CA10: variants seen among roughly 807,000 people sequenced by gnomAD.
The protein encoded by CA10 is carbonic anhydrase 10 (inactive), also known as carbonic anhydrase-related protein 10.
In CA10, 14 loss-of-function variants were observed where a neutral mutation model predicts 44.2. That is an observed-to-expected ratio of 0.32 (90% confidence interval 0.21 to 0.50). CA10 has a LOEUF of 0.50. Among genes scored for constraint, CA10 ranks in the 20% least tolerant of loss-of-function variants. The pLI is 0.99. For missense variants in CA10, 350 were observed against 409.7 expected (o/e 0.85, Z 1.26); for synonymous variants, 159 against 141.6 (o/e 1.12, Z -0.87).
At chr17:51,968,854 T>C (rs1431137505) in intron 2 of CA10, among the ~76,000 whole-genome samples, 1 of 151,958 alleles carries the variant, frequency 6.6e-6, no homozygotes, top group Non-Finnish European at 1.5e-5. Context: ...ATTTACTCAG[T>C]TTAAATATTT....
At chr17:52,132,524 T>C (rs1284599915) in intron 1 of CA10, among the ~76,000 whole-genome samples, 1 of 152,248 alleles carries the variant, frequency 6.6e-6, no homozygotes, top group African/African-American at 2.4e-5. Flanking sequence ...TTAACTGCTA[T>C]ATTATTCTGA....
At chr17:52,157,526 A>ACCCCC (rs1480637933) in intron 1 of CA10, among the ~76,000 whole-genome samples, 200 bp downstream of exon 1, 25 of 111,808 alleles carry the variant, frequency 2.2e-4, no homozygotes, top group African/African-American at 5.4e-4. Flanking sequence ...ACAGATCCTA[A>ACCCCC]CCACCCCCCC....
intron 4 of CA10, among the ~76,000 whole-genome samples, chr17:51,717,161 TGA>T (rs902236758): frequency 1.3e-5 from 2 of 152,192 alleles, no homozygotes; most frequent in African/African-American, 4.8e-5. Flanking sequence ...CTGAAGTTCC[TGA>T]GAGAGAGCTC....
At chr17:51,730,823 T>C (rs1397355419) in intron 4 of CA10, among the ~76,000 whole-genome samples, 1 of 152,144 alleles carries the variant, frequency 6.6e-6, no homozygotes, top group African/African-American at 2.4e-5. Context: ...CCAGTGGGGA[T>C]ATCTCAGACT....
intron 4 of CA10, among the ~76,000 whole-genome samples, chr17:51,736,233 T>C (rs924783030): frequency 6.6e-6 from 1 of 152,142 alleles, no homozygotes; most frequent in Non-Finnish European, 1.5e-5. Flanking sequence ...AATAATTCCA[T>C]CAATTTTCAC....
chr17:52,117,319 A>G (rs929375017), intron 1 of CA10, among the ~76,000 whole-genome samples: 1 of 152,178 alleles, frequency 6.6e-6, no homozygotes, highest in Non-Finnish European at 1.5e-5. Flanking sequence ...GAAGCCCAGG[A>G]ATTAGAAGCG....
At chr17:51,839,500 CAAAAAAAAAAAAAAAAA>C (rs34200978) in intron 3 of CA10, among the ~76,000 whole-genome samples, 11 of 36,288 alleles carry the variant, frequency 3.0e-4, no homozygotes, top group African/African-American at 1.3e-3. Context: ...GACTCCTTCT[CAAAAAAAAAAAAAAAAA>C]AAAAAAAAAA....
intron 1 of CA10, among the ~76,000 whole-genome samples, chr17:52,089,015 T>C (rs934066923): frequency 6.6e-6 from 1 of 152,216 alleles, no homozygotes; most frequent in Admixed American, 6.5e-5. Flanking sequence ...ATTCCATCAT[T>C]AGGCTAATGC....
rs1007501725 is a variant in CA10, at chr17:51,697,739, CTGAA to C, written c.466-44007_466-44004del. Among the ~76,000 whole-genome samples the C allele has an allele frequency of 7.2e-4, 110 of 152,340 alleles. 1 individual carries two copies. Among genetic ancestry groups the C allele is most frequent in the African/African-American group, 2.4e-3 (99 of 41,568 alleles). ...ATAGAAGGCACCCCATAAATATTCA[CTGAA>C]TGAATAAACAAATGAATGCATGAAT... On this transcript the variant is annotated intron_variant, in intron 4 of 8. Coordinates refer to ENST00000451037, the MANE Select transcript of CA10 (RefSeq NM_020178.5).
intron 1 of CA10, among the ~76,000 whole-genome samples, chr17:52,110,133 T>C (rs914746845): frequency 6.6e-6 from 1 of 152,204 alleles, no homozygotes. Flanking sequence ...TGTATAAGCA[T>C]GTGATAAAAT....
At chr17:51,925,761 A>G (rs897316886) in intron 3 of CA10, among the ~76,000 whole-genome samples, 1 of 152,242 alleles carries the variant, frequency 6.6e-6, no homozygotes, top group Non-Finnish European at 1.5e-5. Flanking sequence ...AGCCTTAAAA[A>G]TGAATTAAAT....
intron 1 of CA10, among the ~76,000 whole-genome samples, chr17:52,146,419 G>C (rs889723085): frequency 1.3e-5 from 2 of 151,996 alleles, no homozygotes; most frequent in Non-Finnish European, 2.9e-5. Context: ...GGCCGGGCGC[G>C]GTGGCTCACG....
At chr17:51,945,785 C>T (rs1163078567) in intron 2 of CA10, among the ~76,000 whole-genome samples, 2 of 152,156 alleles carry the variant, frequency 1.3e-5, no homozygotes, top group East Asian at 1.9e-4. Context: ...CCATTTCTCA[C>T]TCCCTTTCAG....
intron 1 of CA10, among the ~76,000 whole-genome samples, chr17:52,155,005 C>T (rs910179759): frequency 2.0e-5 from 3 of 152,182 alleles, no homozygotes. Flanking sequence ...AGCTACAAAG[C>T]GCCAATGTTT....
intron 3 of CA10, among the ~76,000 whole-genome samples, chr17:51,915,085 ATAC>A (rs1364845879): frequency 6.6e-6 from 1 of 152,102 alleles, no homozygotes; most frequent in East Asian, 1.9e-4. Flanking sequence ...TGTATATTAC[ATAC>A]TTTGCTGCTA....
intron 3 of CA10, among the ~76,000 whole-genome samples, chr17:51,909,291 G>C (rs144477542): frequency 2.0e-5 from 3 of 152,130 alleles, no homozygotes; most frequent in Non-Finnish European, 2.9e-5. Flanking sequence ...TTACACTGAA[G>C]GGGGAGCTCA....
At chr17:51,884,387 C>CT (rs1980507568) in intron 3 of CA10, among the ~76,000 whole-genome samples, 1 of 152,182 alleles carries the variant, frequency 6.6e-6, no homozygotes, top group South Asian at 2.1e-4. Flanking sequence ...TCCACTCTCC[C>CT]TCTCCAGCCT....
chr17:51,887,049 T>C (rs970840739), intron 3 of CA10, among the ~76,000 whole-genome samples: 1 of 152,200 alleles, frequency 6.6e-6, no homozygotes. Context: ...ATATAGCAGA[T>C]AATGAAAATT....
At chr17:51,961,188 AACACACACACACACACAC>A (rs71149387) in intron 2 of CA10, among the ~76,000 whole-genome samples, 5 of 145,004 alleles carry the variant, frequency 3.4e-5, no homozygotes, top group South Asian at 2.2e-4. Context: ...TGTACACACA[AACACACACACACACACAC>A]ACACACACAC....
Sources: gnomAD v4.1 joint callset for allele counts (sites outside exome capture counted in the v4.1 genomes callset) on GRCh38, gnomAD v4.1.1 for gene constraint, MANE v1.5 for transcripts, NCBI Gene and HGNC (gene_info 2026-07-23, HGNC 2026-07-21) for gene names.